ENTREP2: variants seen among roughly 807,000 people sequenced by gnomAD.
The protein encoded by ENTREP2 is endosomal transmembrane epsin interactor 2.
chr15:29,150,899 C>G, the ENTREP2 span, among the ~76,000 whole-genome samples: 3 of 152,036 alleles, frequency 2.0e-5, no homozygotes, highest in African/African-American at 7.3e-5. Context: ...AATTGAGAGA[C>G]AGAGAGACAG....
chr15:29,383,033 C>G, the ENTREP2 span, among the ~76,000 whole-genome samples: 1 of 152,042 alleles, frequency 6.6e-6, no homozygotes, highest in African/African-American at 2.4e-5. Context: ...GGCCGCTCTC[C>G]TCCACAGCCT....
chr15:29,598,733 G>C, the ENTREP2 span, among the ~76,000 whole-genome samples: 1 of 151,708 alleles, frequency 6.6e-6, no homozygotes, highest in Non-Finnish European at 1.5e-5. Flanking sequence ...GTCTCGCTTT[G>C]TCGCCCAGGC....
the ENTREP2 span, among the ~76,000 whole-genome samples, chr15:29,484,698 A>G: frequency 9.4e-4 from 143 of 152,332 alleles, no homozygotes; most frequent in Non-Finnish European, 1.9e-3. Flanking sequence ...ATGCTATTCT[A>G]TTCATTTATA....
the ENTREP2 span, chr15:29,381,703 C>A: frequency 7.6e-7 from 1 of 1,313,862 alleles, no homozygotes; most frequent in Non-Finnish European, 1.1e-6. Flanking sequence ...TTCGCCACTG[C>A]CTCCAACCTG....
the ENTREP2 span, among the ~76,000 whole-genome samples, chr15:29,171,174 G>T: frequency 6.6e-6 from 1 of 152,162 alleles, no homozygotes; most frequent in Non-Finnish European, 1.5e-5. Context: ...ACTGACTGTG[G>T]CATTGAGGAT....
At chr15:29,609,756 C>G in the ENTREP2 span, 1 of 150,158 alleles carries the variant, frequency 6.7e-6, no homozygotes, top group Non-Finnish European at 1.5e-5. Context: ...CAAGTCATAC[C>G]CTTTACACAA....
chr15:29,170,747 A>G, the ENTREP2 span, among the ~76,000 whole-genome samples: 1 of 152,224 alleles, frequency 6.6e-6, no homozygotes, highest in African/African-American at 2.4e-5. Flanking sequence ...CCAGAACTCG[A>G]CCATGCTGGC....
the ENTREP2 span, among the ~76,000 whole-genome samples, chr15:29,567,514 G>T: frequency 6.6e-6 from 1 of 151,850 alleles, no homozygotes; most frequent in African/African-American, 2.4e-5. Flanking sequence ...AGTGACCTTG[G>T]GTAAGTCACT....
the ENTREP2 span, among the ~76,000 whole-genome samples, chr15:29,571,704 C>T: frequency 6.6e-6 from 1 of 152,224 alleles, no homozygotes; most frequent in African/African-American, 2.4e-5. Flanking sequence ...ACCATCTCCA[C>T]TCCCTCTTGC....
chr15:29,674,048 G>A, the ENTREP2 span, among the ~76,000 whole-genome samples: 1 of 150,298 alleles, frequency 6.7e-6, no homozygotes, highest in African/African-American at 2.4e-5. Context: ...AGGTAGGAGG[G>A]TGACTGAGGA....
At chr15:29,328,943 T>C in the ENTREP2 span, among the ~76,000 whole-genome samples, 2 of 152,220 alleles carry the variant, frequency 1.3e-5, no homozygotes, top group African/African-American at 2.4e-5. Flanking sequence ...AATACCCCTG[T>C]AGGTGCCTGA....
At chr15:29,319,489 G>A in the ENTREP2 span, among the ~76,000 whole-genome samples, 14 of 152,324 alleles carry the variant, frequency 9.2e-5, no homozygotes, top group African/African-American at 2.2e-4. Flanking sequence ...CTAGGGAAGC[G>A]GAGATGCCCA....
At chr15:29,142,869 C>CAA in the ENTREP2 span, among the ~76,000 whole-genome samples, 732 of 147,864 alleles carry the variant, frequency 5.0e-3, 4 homozygotes, top group African/African-American at 0.017. Context: ...CATTTAAAAA[C>CAA]AAAAAAAAAA....
At chr15:29,145,297 A>G in the ENTREP2 span, among the ~76,000 whole-genome samples, 2 of 152,178 alleles carry the variant, frequency 1.3e-5, no homozygotes, top group Admixed American at 1.3e-4. Context: ...CAGAAAAAGC[A>G]TTTGACAAAA....
the ENTREP2 span, among the ~76,000 whole-genome samples, chr15:29,325,894 C>G: frequency 6.6e-6 from 1 of 152,078 alleles, no homozygotes; most frequent in African/African-American, 2.4e-5. Flanking sequence ...TATACTTCAA[C>G]CCAATGGGAT....
At chr15:29,207,821 C>A in the ENTREP2 span, among the ~76,000 whole-genome samples, 1 of 152,106 alleles carries the variant, frequency 6.6e-6, no homozygotes, top group African/African-American at 2.4e-5. Flanking sequence ...CCCTGCCAGG[C>A]CTGGGGACAA....
chr15:29,207,169 C>T, the ENTREP2 span, among the ~76,000 whole-genome samples: 3 of 152,110 alleles, frequency 2.0e-5, no homozygotes, highest in African/African-American at 7.2e-5. Context: ...GAATGCAGTC[C>T]CTGCCAGACC....
chr15:29,660,897 T>C, the ENTREP2 span, among the ~76,000 whole-genome samples: 1 of 152,176 alleles, frequency 6.6e-6, no homozygotes, highest in African/African-American at 2.4e-5. Flanking sequence ...TTCTTATAGG[T>C]GGGTTCCAGA....
the ENTREP2 span, among the ~76,000 whole-genome samples, chr15:29,383,318 C>T: frequency 1.3e-5 from 2 of 152,232 alleles, no homozygotes; most frequent in Non-Finnish European, 2.9e-5. Context: ...CTTCCTCTTG[C>T]AACCTCTGCT....
Sources: allele counts gnomAD v4.1 joint callset (sites outside exome capture counted in the v4.1 genomes callset), GRCh38; gene constraint gnomAD v4.1.1; transcripts MANE v1.5; gene names NCBI Gene and HGNC (gene_info 2026-07-23, HGNC 2026-07-21).